CTIF: variants seen among roughly 807,000 people sequenced by gnomAD.
CTIF encodes the protein CBP80/20-dependent translation initiation factor.
In CTIF, 21 loss-of-function variants were observed where a neutral mutation model predicts 66.0. The observed-to-expected ratio is 0.32, with a 90% confidence interval of 0.23 to 0.46. CTIF has a LOEUF of 0.46. CTIF is among the 20% of genes least tolerant of loss of function. The pLI is 1.00. For missense variants in CTIF, 739 were observed against 812.7 expected (o/e 0.91, Z 1.10); for synonymous variants, 345 against 326.4 (o/e 1.06, Z -0.62).
chr18:48,730,519 T>C (rs1391682228), intron 7 of CTIF, among the ~76,000 whole-genome samples: 1 of 68,670 alleles, frequency 1.5e-5, no homozygotes. Context: ...GCTTCTGCGG[T>C]GTGAGGGGCC....
At chr18:48,749,590 T>C (rs1470093758) in intron 7 of CTIF, among the ~76,000 whole-genome samples, 1 of 152,200 alleles carries the variant, frequency 6.6e-6, no homozygotes, top group African/African-American at 2.4e-5. Flanking sequence ...GGAAAACCCA[T>C]GGCATAATAA....
At chr18:48,575,156 C>T (rs1009617360) in intron 1 of CTIF, among the ~76,000 whole-genome samples, 1 of 152,176 alleles carries the variant, frequency 6.6e-6, no homozygotes, top group Non-Finnish European at 1.5e-5. Context: ...AGCAGGCCGC[C>T]GTCAGGTCAG....
chr18:48,602,110 G>A (rs1009508616), intron 1 of CTIF, among the ~76,000 whole-genome samples: 1 of 152,256 alleles, frequency 6.6e-6, no homozygotes, highest in Non-Finnish European at 1.5e-5. Context: ...GTGAACATGG[G>A]CCTACTGTTC....
At chr18:48,643,356 A>C (rs185620291) in intron 3 of CTIF, among the ~76,000 whole-genome samples, 26 of 152,310 alleles carry the variant, frequency 1.7e-4, no homozygotes, top group Admixed American at 1.4e-3. Context: ...CAGTTGTAGA[A>C]ATGGGATTGG....
At chr18:48,678,007 A>G (rs1326425597) in intron 6 of CTIF, among the ~76,000 whole-genome samples, 1 of 152,200 alleles carries the variant, frequency 6.6e-6, no homozygotes, top group East Asian at 1.9e-4. Flanking sequence ...ACCTTGCCTC[A>G]AATCACACAG....
In CTIF at chr18:48,619,574, C is replaced by T; in HGVS notation, c.9C>T (p.Asn3=). 6.4e-7 allele frequency: 1 copy of T among 1,563,632 alleles called. No homozygotes were observed. The highest frequency in any genetic ancestry group is 1.7e-4 in the Middle Eastern group (1 of 5,858). The part of the protein sequence containing the change: ME[N]SSAASASSEA... The stretch of plus-strand genomic sequence containing the variant: ...GCCCCTGAGCTGGAGGGATGGAAAA[C>T]TCCTCTGCAGCATCAGCCTCCTCGG... Residue 3 remains asparagine (N), a synonymous_variant, in exon 2 of 12, where the codon AAC becomes AAT. Coordinates refer to ENST00000256413, the MANE Select transcript of CTIF (RefSeq NM_014772.3).
chr18:48,738,387 C>A (rs2092522903), intron 7 of CTIF, among the ~76,000 whole-genome samples: 1 of 152,220 alleles, frequency 6.6e-6, no homozygotes, highest in Non-Finnish European at 1.5e-5. Flanking sequence ...GGCCAAAGTC[C>A]TTTCAATGGT....
rs373723875 is a variant in CTIF at position 48,688,591 on chromosome 18, A to C, written c.507+17847A>C. Reference sequence around the variant, plus strand: ...TAAACCATCCTAAACACGTCCTTCTAAACAAGGAAGGCAAGGCTCCCAGTG... The same window carrying C: ...TAAACCATCCTAAACACGTCCTTCTCAACAAGGAAGGCAAGGCTCCCAGTG... On this transcript the variant is annotated intron_variant, in intron 6 of 11. Coordinates refer to ENST00000256413, the MANE Select transcript of CTIF (RefSeq NM_014772.3). Among the ~76,000 whole-genome samples the C allele has an allele frequency of 5.3e-5, 8 of 152,332 alleles. No homozygotes were observed. In the East Asian group the frequency reaches 1.5e-3, roughly 29 times the overall value.
At chr18:48,723,993 G>A (rs2092364303) in intron 7 of CTIF, among the ~76,000 whole-genome samples, 1 of 152,210 alleles carries the variant, frequency 6.6e-6, no homozygotes, top group Non-Finnish European at 1.5e-5. Context: ...CAGAGGCGAT[G>A]CCTGTACTTA....
At chr18:48,641,613 A>C (rs140322249) in intron 3 of CTIF, among the ~76,000 whole-genome samples, 1,536 of 152,348 alleles carry the variant, frequency 0.01, 26 homozygotes, top group African/African-American at 0.035. Context: ...AGAGAGTCAA[A>C]GAGCCTTGTC....
chr18:48,691,601 A>G lies in CTIF; in HGVS notation c.508-20018A>G, dbSNP rs558824108. On this transcript the variant is annotated intron_variant, in intron 6 of 11. Transcript: ENST00000256413. ...TCCTTCTTCCTTTCTCTAGCTGGGA[A>G]CAGGTGCTCATGTCCCCAGTCCTTG... 1.1e-4 allele frequency among the ~76,000 whole-genome samples: 16 copies of G among 152,278 alleles called. No homozygotes were observed. In the South Asian group the frequency reaches 1.9e-3, roughly 18 times the overall value.
intron 6 of CTIF, among the ~76,000 whole-genome samples, chr18:48,688,061 C>G (rs562971589): frequency 2.0e-5 from 3 of 152,346 alleles, no homozygotes; most frequent in African/African-American, 7.2e-5. Flanking sequence ...TTTAAATAAG[C>G]AAGTCTACCC....
chr18:48,738,204 A>G (rs1214494450), intron 7 of CTIF, among the ~76,000 whole-genome samples: 1 of 152,110 alleles, frequency 6.6e-6, no homozygotes, highest in Admixed American at 6.5e-5. Context: ...CCCATCTTCA[A>G]AGCAGATCCA....
intron 5 of CTIF, among the ~76,000 whole-genome samples, chr18:48,669,515 T>G (rs984377267): frequency 7.2e-5 from 11 of 151,874 alleles, no homozygotes. Context: ...AATTGAGTAA[T>G]TTGCATGAGG....
chr18:48,722,934 G>T (rs1457597579), intron 7 of CTIF, among the ~76,000 whole-genome samples: 1 of 152,216 alleles, frequency 6.6e-6, no homozygotes, highest in Non-Finnish European at 1.5e-5. Context: ...GCCAAGCCTG[G>T]ATGTCACTCA....
At chr18:48,579,586 C>T (rs565668428) in intron 1 of CTIF, among the ~76,000 whole-genome samples, 1 of 152,178 alleles carries the variant, frequency 6.6e-6, no homozygotes, top group Non-Finnish European at 1.5e-5. Flanking sequence ...TTTCTTCCCC[C>T]CAAGCCCACA....
intron 1 of CTIF, among the ~76,000 whole-genome samples, chr18:48,573,831 A>C (rs1047300815): frequency 6.6e-6 from 1 of 152,232 alleles, no homozygotes; most frequent in Non-Finnish European, 1.5e-5. Flanking sequence ...AGCACACTGC[A>C]CTGTGAATGT....
rs762972192 is a variant in CTIF, at chr18:48,711,652, G to A, written c.541G>A (p.Ala181Thr). 5.0e-6 allele frequency: 8 copies of A among 1,613,700 alleles called. No individual in the cohort carries two copies. The highest frequency in any genetic ancestry group is 2.7e-5 in the African/African-American group (2 of 74,848). ...YHPMPHEVEIAHTKKLFRRRR... is the reference protein window; with the variant it reads ...YHPMPHEVEITHTKKLFRRRR... Reference sequence around the variant, plus strand: ...CCCGATGCCCCATGAAGTGGAGATCGCACACACCAAGAAGCTGTTCCGCAG... The same window carrying A: ...CCCGATGCCCCATGAAGTGGAGATCACACACACCAAGAAGCTGTTCCGCAG... Residue 181 changes from alanine to threonine, a missense_variant, in exon 7 of 12, where the codon GCA (alanine) becomes ACA (threonine). By Grantham distance (58) the Ala-to-Thr change is moderately conservative. Transcript: ENST00000256413.
At chr18:48,613,788 G>A (rs917796501) in intron 1 of CTIF, among the ~76,000 whole-genome samples, 1 of 152,338 alleles carries the variant, frequency 6.6e-6, no homozygotes, top group East Asian at 1.9e-4. Context: ...AAGCACAGGC[G>A]AAGGAGCTCT....
Sources: gnomAD v4.1 joint callset for allele counts (sites outside exome capture counted in the v4.1 genomes callset) on GRCh38, gnomAD v4.1.1 for gene constraint, MANE v1.5 for transcripts, NCBI Gene and HGNC (gene_info 2026-07-23, HGNC 2026-07-21) for gene names.